The following PHACTR1 variants were observed in gnomAD, a reference collection of about 807,000 sequenced individuals.
The protein encoded by PHACTR1 is RPEL repeat containing 1.
A neutral mutation model predicts 69.2 loss-of-function variants in PHACTR1; 16 were observed. The observed-to-expected ratio is 0.23, with a 90% CI of 0.16 to 0.35. The LOEUF is 0.35. Ranked by LOEUF, PHACTR1 falls within the 10% of genes least tolerant of loss-of-function variation. The pLI is 1.00. For synonymous variants in PHACTR1, 312 were observed against 284.5 expected (o/e 1.10, Z -0.97); for missense variants, 510 against 734.7 (o/e 0.69, Z 3.54).
At chr6:13,207,799 CA>C (rs368511453) in intron 8 of PHACTR1, among the ~76,000 whole-genome samples, 2 of 152,188 alleles carry the variant, frequency 1.3e-5, no homozygotes, top group African/African-American at 4.8e-5. Flanking sequence ...TTGGGTCCTA[CA>C]GATGGAAAAT....
intron 4 of PHACTR1, among the ~76,000 whole-genome samples, chr6:13,042,705 CT>C (rs1257478971): frequency 6.6e-6 from 1 of 152,162 alleles, no homozygotes; most frequent in African/African-American, 2.4e-5. Context: ...AATTTCACCC[CT>C]AGTGGAACGC....
intron 5 of PHACTR1, among the ~76,000 whole-genome samples, chr6:13,129,623 T>C (rs1372477466): frequency 2.6e-5 from 4 of 152,058 alleles, no homozygotes; most frequent in African/African-American, 4.8e-5. Flanking sequence ...TAAATATATA[T>C]GCACCTAACA....
chr6:13,146,522 T>C (rs1823373827), intron 5 of PHACTR1, among the ~76,000 whole-genome samples: 1 of 152,220 alleles, frequency 6.6e-6, no homozygotes, highest in South Asian at 2.1e-4. Context: ...GAAGATTTCA[T>C]TGCAGCAGGG....
At chr6:12,931,866 C>T (rs1788912376) in intron 4 of PHACTR1, among the ~76,000 whole-genome samples, 1 of 151,928 alleles carries the variant, frequency 6.6e-6, no homozygotes, top group Non-Finnish European at 1.5e-5. Context: ...AGCTGAGACC[C>T]AGGCCAATAC....
At chr6:12,999,637 T>C (rs1374482923) in intron 4 of PHACTR1, among the ~76,000 whole-genome samples, 1 of 152,158 alleles carries the variant, frequency 6.6e-6, no homozygotes, top group Non-Finnish European at 1.5e-5. Flanking sequence ...GCATTAAATA[T>C]AGAATGTTAC....
intron 4 of PHACTR1, among the ~76,000 whole-genome samples, chr6:12,960,295 A>T (rs1792540857): frequency 6.6e-6 from 1 of 152,238 alleles, no homozygotes; most frequent in Non-Finnish European, 1.5e-5. Context: ...GTTATCATTT[A>T]TGGTGTCTAG....
intron 4 of PHACTR1, among the ~76,000 whole-genome samples, chr6:12,800,240 A>C (rs1773535455): frequency 6.6e-6 from 1 of 152,216 alleles, no homozygotes; most frequent in Non-Finnish European, 1.5e-5. Context: ...GTTTCAAAGG[A>C]TGTAAATCTC....
At position 13,245,057 on chromosome 6, in the gene PHACTR1, T is replaced by C. The variant is rs1383859242; in HGVS notation, c.1391+14864T>C. ...TTCTGCCATGGTTTCAGCCGGTCCC[T>C]CTGTTTGGGGTCCCTGACTTCCCGC... is the stretch of plus-strand genomic sequence containing the variant. On this transcript the variant is annotated intron_variant, in intron 10 of 14. Transcript: ENST00000332995. This position sits in a 1 kb window ranked among gnomAD's most constrained non-coding sequence, Gnocchi z 4.1. 3.3e-5 allele frequency among the ~76,000 whole-genome samples: 5 copies of C among 152,240 alleles called. No homozygotes were observed. In the East Asian group the frequency reaches 9.6e-4, roughly 29 times the overall value.
At chr6:13,259,639 C>A (rs947189003) in intron 10 of PHACTR1, among the ~76,000 whole-genome samples, 1 of 152,150 alleles carries the variant, frequency 6.6e-6, no homozygotes, top group Non-Finnish European at 1.5e-5. Flanking sequence ...ACACAGCAGG[C>A]GGGCTAGATG....
rs557880489 is a variant in PHACTR1, at chr6:13,178,871, C to T, written c.497-3648C>T. Among the ~76,000 whole-genome samples, 28 of 152,292 alleles carry T rather than the reference C, an allele frequency of 1.8e-4. No homozygotes were observed. In the South Asian group the frequency reaches 5.0e-3, roughly 27 times the overall value. ...ATGCCTAAGCCTCACCTTAGTGAGG[C>T]AAGTTACGTTCTTCCTGGGGAGAAT... is the stretch of plus-strand genomic sequence containing the variant. On this transcript the variant is annotated intron_variant, in intron 6 of 14. Coordinates refer to ENST00000332995, the MANE Select transcript of PHACTR1 (RefSeq NM_030948.6).
intron 5 of PHACTR1, among the ~76,000 whole-genome samples, chr6:13,093,293 G>A (rs144331084): frequency 8.6e-4 from 131 of 152,306 alleles, no homozygotes; most frequent in Non-Finnish European, 1.5e-3. Flanking sequence ...CAGCCATGTA[G>A]TTTTGCATAT....
intron 4 of PHACTR1, among the ~76,000 whole-genome samples, chr6:12,994,596 TAAAATTTG>T (rs1797206568): frequency 6.6e-6 from 1 of 152,116 alleles, no homozygotes; most frequent in Non-Finnish European, 1.5e-5. Context: ...TTGAAATATG[TAAAATTTG>T]AATATTTTAC....
chr6:13,083,305 T>C (rs1368146142), intron 5 of PHACTR1, among the ~76,000 whole-genome samples: 1 of 152,092 alleles, frequency 6.6e-6, no homozygotes, highest in Admixed American at 6.6e-5. Context: ...TTGGTCTATA[T>C]CTCTGTTTTG....
At position 13,278,352 on chromosome 6, in the gene PHACTR1, A is replaced by G; in HGVS notation, c.1509+23A>G. On this transcript the variant is annotated intron_variant, in intron 12 of 14. Transcript: ENST00000332995. ...AAGGTAGGTGGTTCTCCATGCCAAG[A>G]GCTGGGACAGGAGAGGGTGGGCTGC... is the stretch of plus-strand genomic sequence containing the variant. The G allele has an allele frequency of 1.9e-6, 3 of 1,576,174 alleles. No individual in the cohort carries two copies. In the East Asian group the frequency reaches 7.0e-5, roughly 37 times the overall value.
intron 5 of PHACTR1, among the ~76,000 whole-genome samples, chr6:13,114,440 C>T (rs1227199281): frequency 6.6e-6 from 1 of 152,114 alleles, no homozygotes; most frequent in Non-Finnish European, 1.5e-5. Flanking sequence ...AGTCAACCCT[C>T]CTTTCCCCAA....
chr6:12,819,291 C>T (rs1775940025), intron 4 of PHACTR1, among the ~76,000 whole-genome samples: 2 of 152,124 alleles, frequency 1.3e-5, no homozygotes, highest in African/African-American at 4.8e-5. Flanking sequence ...TCTGCAATTA[C>T]AATGTATTGC....
At chr6:13,034,107 C>T (rs1187301689) in intron 4 of PHACTR1, among the ~76,000 whole-genome samples, 1 of 151,978 alleles carries the variant, frequency 6.6e-6, no homozygotes, top group Non-Finnish European at 1.5e-5. Context: ...GGCTCCGCCC[C>T]CTGGGGTTCA....
At chr6:13,284,339 G>A (rs1780997451) in intron 13 of PHACTR1, among the ~76,000 whole-genome samples, 1 of 151,462 alleles carries the variant, frequency 6.6e-6, no homozygotes, top group South Asian at 2.1e-4. Flanking sequence ...CCAACATGAT[G>A]AAACCCCATC....
chr6:13,150,192 C>T (rs1427211389), intron 5 of PHACTR1, among the ~76,000 whole-genome samples: 3 of 152,034 alleles, frequency 2.0e-5, no homozygotes, highest in Admixed American at 6.6e-5. Flanking sequence ...ACAGAAAATA[C>T]AAGTTAGCCT....
Sources: allele counts gnomAD v4.1 joint callset (sites outside exome capture counted in the v4.1 genomes callset), GRCh38; gene constraint gnomAD v4.1.1; non-coding constraint Gnocchi (gnomAD v3.1); transcripts MANE v1.5; gene names NCBI Gene and HGNC (gene_info 2026-07-23, HGNC 2026-07-21).